Variants in TNFSF4 observed in about 807,000 individuals in gnomAD.
TNFSF4 encodes the protein tumor necrosis factor ligand superfamily member 4.
TNFSF4 carries 4 observed loss-of-function variants against 7.3 expected under a neutral mutation model. That is an observed-to-expected ratio of 0.55 (90% CI 0.27 to 1.25). The LOEUF is 1.25. Ranked by LOEUF, TNFSF4 falls within the 50% of genes most tolerant of loss-of-function variation. The pLI is 0.12. For synonymous variants in TNFSF4, 76 were observed against 83.7 expected (o/e 0.91, Z 0.50); for missense variants, 181 against 208.8 (o/e 0.87, Z 0.82).
At chr1:173,354,059 G>A in the TNFSF4 span, among the ~76,000 whole-genome samples, 5 of 151,354 alleles carry the variant, frequency 3.3e-5, no homozygotes, top group African/African-American at 9.7e-5. Flanking sequence ...TCTAGGAGGT[G>A]GTTTTTTAAA....
At chr1:173,301,403 T>C in the TNFSF4 span, among the ~76,000 whole-genome samples, 2 of 151,942 alleles carry the variant, frequency 1.3e-5, no homozygotes, top group African/African-American at 4.8e-5. Flanking sequence ...AATGGAGTTA[T>C]TCTAATTAAT....
chr1:173,357,175 T>C, the TNFSF4 span, among the ~76,000 whole-genome samples: 1 of 152,160 alleles, frequency 6.6e-6, no homozygotes, highest in African/African-American at 2.4e-5. Flanking sequence ...GTTAGTTGAG[T>C]TGTAGGAGCC....
intron 1 of TNFSF4, among the ~76,000 whole-genome samples, 165 bp downstream of exon 1, chr1:173,206,859 G>A (rs1328454124): frequency 6.6e-6 from 1 of 152,152 alleles, no homozygotes; most frequent in East Asian, 1.9e-4. Context: ...AGGAAGGAAA[G>A]GAGAGACAGA....
the TNFSF4 span, among the ~76,000 whole-genome samples, chr1:173,256,799 C>T: frequency 6.6e-6 from 1 of 152,228 alleles, no homozygotes; most frequent in East Asian, 1.9e-4. Flanking sequence ...AGTGGCCAGG[C>T]CATGCCTCCT....
At chr1:173,234,649 A>G in the TNFSF4 span, among the ~76,000 whole-genome samples, 5 of 152,242 alleles carry the variant, frequency 3.3e-5, no homozygotes, top group African/African-American at 1.2e-4. Context: ...TTTGTAGGAC[A>G]TGGATGAAGC....
intron 1 of TNFSF4, 71 bp downstream of exon 1, chr1:173,206,952 GA>G: frequency 6.7e-7 from 1 of 1,488,442 alleles, no homozygotes; most frequent in Non-Finnish European, 9.1e-7. Flanking sequence ...ATTTCCAAGC[GA>G]CTGTTTGCAG....
At chr1:173,374,398 C>A in the TNFSF4 span, among the ~76,000 whole-genome samples, 3 of 152,214 alleles carry the variant, frequency 2.0e-5, no homozygotes, top group African/African-American at 7.2e-5. Flanking sequence ...CTCTCTACCC[C>A]CACTGCAGTT....
At chr1:173,429,753 T>C in the TNFSF4 span, among the ~76,000 whole-genome samples, 2,767 of 152,322 alleles carry the variant, frequency 0.018, 94 homozygotes, top group African/African-American at 0.063. Flanking sequence ...GAATAAAAGG[T>C]GAGCTTTTGC....
the TNFSF4 span, among the ~76,000 whole-genome samples, chr1:173,324,258 G>T: frequency 3.9e-4 from 59 of 152,212 alleles, no homozygotes; most frequent in South Asian, 8.5e-3. Flanking sequence ...ATATCCAGCC[G>T]AACCAAACTT....
the TNFSF4 span, among the ~76,000 whole-genome samples, chr1:173,359,452 TA>T: frequency 2.9e-3 from 144 of 48,868 alleles, no homozygotes; most frequent in African/African-American, 6.3e-3. Flanking sequence ...GTTTTATATT[TA>T]AAAAAAAAAA....
chr1:173,186,668 AC>A lies in TNFSF4; in HGVS notation c.399del (p.Arg133SerfsTer6). The stretch of plus-strand genomic sequence containing the variant: ...GAGGCCACCATCAAGGAGTTGACAG[AC>A]CTGACCTTCTTCAGTTGGAAGAGGG... ...EEPLFQLKKV[R>X]SVNSLMVASL... is the part of the protein sequence containing the mutation. On this transcript the variant is annotated frameshift_variant, in exon 3 of 3. Coordinates refer to ENST00000281834, the MANE Select transcript of TNFSF4 (RefSeq NM_003326.5). LOFTEE classifies it low-confidence loss of function (END_TRUNC). 6.2e-7 allele frequency: 1 copy of A among 1,614,136 alleles called. No homozygotes were observed. The highest frequency in any genetic ancestry group is 8.5e-7 in the Non-Finnish European group (1 of 1,180,006).
the TNFSF4 span, among the ~76,000 whole-genome samples, chr1:173,289,594 T>C: frequency 6.6e-6 from 1 of 152,062 alleles, no homozygotes; most frequent in Non-Finnish European, 1.5e-5. Context: ...GAAAAGTCAG[T>C]AAAATCAGCC....
the TNFSF4 span, among the ~76,000 whole-genome samples, chr1:173,383,962 C>T: frequency 2.0e-5 from 3 of 152,194 alleles, no homozygotes; most frequent in Non-Finnish European, 2.9e-5. Flanking sequence ...CAAATGACAA[C>T]TTATGTTGTT....
the TNFSF4 span, among the ~76,000 whole-genome samples, chr1:173,414,030 C>T: frequency 1.3e-5 from 2 of 152,160 alleles, no homozygotes; most frequent in South Asian, 2.1e-4. Context: ...GACAAGCCAA[C>T]GTGTGAATTG....
chr1:173,285,224 G>A, the TNFSF4 span, among the ~76,000 whole-genome samples: 1 of 152,094 alleles, frequency 6.6e-6, no homozygotes, highest in African/African-American at 2.4e-5. Flanking sequence ...AATAGCAAGA[G>A]AGCTAGAATT....
At chr1:173,220,176 A>C in the TNFSF4 span, among the ~76,000 whole-genome samples, 2 of 152,178 alleles carry the variant, frequency 1.3e-5, no homozygotes, top group Admixed American at 6.5e-5. Context: ...GATGAAAATA[A>C]AGTTTTTTTT....
At chr1:173,424,270 G>A in the TNFSF4 span, among the ~76,000 whole-genome samples, 3 of 152,182 alleles carry the variant, frequency 2.0e-5, no homozygotes, top group Non-Finnish European at 2.9e-5. Flanking sequence ...CGTATTTTGA[G>A]TGCTTCTCAT....
At chr1:173,201,287 A>G (rs1649930343) in intron 1 of TNFSF4, among the ~76,000 whole-genome samples, 1 of 152,172 alleles carries the variant, frequency 6.6e-6, no homozygotes, top group Non-Finnish European at 1.5e-5. Flanking sequence ...TTAATTAGAA[A>G]TCTATGTTTA....
At chr1:173,326,525 G>A in the TNFSF4 span, among the ~76,000 whole-genome samples, 3 of 152,076 alleles carry the variant, frequency 2.0e-5, no homozygotes, top group African/African-American at 7.2e-5. Context: ...AGGGCAATCA[G>A]GCAGGAGAAG....
Sources: allele counts gnomAD v4.1 joint callset (sites outside exome capture counted in the v4.1 genomes callset), GRCh38; gene constraint gnomAD v4.1.1; transcripts MANE v1.5; gene names NCBI Gene and HGNC (gene_info 2026-07-23, HGNC 2026-07-21).